Variants in TRDN observed in about 807,000 individuals in gnomAD.
TRDN encodes the protein triadin in skeletal muscle.
TRDN carries 161 observed loss-of-function variants against 149.7 expected under a neutral mutation model. The ratio of observed to expected loss-of-function variants is 1.08; its 90% confidence interval spans 0.95 to 1.23. TRDN has a LOEUF of 1.23. TRDN is among the 50% of genes most tolerant of loss of function. The pLI is 0.00. For synonymous variants in TRDN, 294 were observed against 250.5 expected, an observed-to-expected ratio of 1.17 and a Z score of -1.64; for missense variants, 896 against 823.5, an observed-to-expected ratio of 1.09 and a Z score of -1.08.
At chr6:123,290,348 G>C (rs1326152651) in intron 24 of TRDN, among the ~76,000 whole-genome samples, 1 of 152,024 alleles carries the variant, frequency 6.6e-6, no homozygotes, top group Admixed American at 6.6e-5. Flanking sequence ...ATTGTGATAT[G>C]TGTTGTGTCT....
intron 20 of TRDN, among the ~76,000 whole-genome samples, chr6:123,355,293 A>G (rs1780623403): frequency 6.6e-6 from 1 of 151,652 alleles, no homozygotes; most frequent in African/African-American, 2.4e-5. Context: ...CAATGTATCA[A>G]TCTTTCCTTT....
Position 123,503,872 on chromosome 6 carries a change from T to C in TRDN, c.640A>G (p.Ser214Gly). The C allele has an allele frequency of 6.3e-7, 1 of 1,577,764 alleles. No individual in the cohort carries two copies. The highest frequency in any genetic ancestry group is 8.6e-7 in the Non-Finnish European group (1 of 1,160,074). The change falls in exon 8 of 41, where the codon AGT becomes GGT. Residue 214 changes from serine to glycine, a missense_variant. Physicochemically the swap from Ser to Gly is moderately conservative, Grantham distance 56 (BLOSUM62 0). Coordinates refer to ENST00000334268, the MANE Select transcript of TRDN (RefSeq NM_006073.4). ...ACTTCCTTTTTAGTCTTTTCTTCAC[T>C]CTTTTCTGCAGTCTTAGCTTTCTTC... ...EQKKAKTAEK[S>G]EEKTKKEVKG...
Position 123,570,987 on chromosome 6 carries a change from C to T in TRDN, c.168G>A (p.Leu56=), listed in dbSNP as rs1290905998. The T allele has an allele frequency of 6.2e-7, 1 of 1,613,964 alleles. No homozygotes were observed. Among genetic ancestry groups the T allele is most frequent in the Non-Finnish European group, 8.5e-7 (1 of 1,179,856 alleles). Reference sequence around the variant, plus strand: ...TGGCAACAGCTGACCACGTGATTATCAGGGCAATGACCAGAAGCCAGGCTG... The same window carrying T: ...TGGCAACAGCTGACCACGTGATTATTAGGGCAATGACCAGAAGCCAGGCTG... The part of the protein sequence containing the change: ...SPAAWLLVIA[L]IITWSAVAIV... The change falls in exon 2 of 41, where the codon CTG becomes CTA. Residue 56 remains leucine (L), a synonymous_variant. Coordinates refer to ENST00000334268, the MANE Select transcript of TRDN (RefSeq NM_006073.4).
chr6:123,439,778 G>C (rs1774771946), intron 10 of TRDN: 1 of 152,168 alleles, frequency 6.6e-6, no homozygotes, highest in South Asian at 2.1e-4. Flanking sequence ...CACTTTTCTG[G>C]TAAGCATAAT....
intron 16 of TRDN, 128 bp downstream of exon 16, chr6:123,381,242 A>C (rs1391507914): frequency 2.3e-6 from 2 of 853,174 alleles, no homozygotes; most frequent in Non-Finnish European, 3.6e-6. Flanking sequence ...CTTGGACAAA[A>C]AACAACAGAG....
chr6:123,468,602 A>T (rs1285162800), intron 9 of TRDN, among the ~76,000 whole-genome samples: 2 of 152,160 alleles, frequency 1.3e-5, no homozygotes, highest in Non-Finnish European at 2.9e-5. Flanking sequence ...ATTACTAAAA[A>T]TCTTGTCAAG....
rs1432801919 is a variant in TRDN, at chr6:123,265,894, T to A, written c.1784-556A>T. Among the ~76,000 whole-genome samples, 3 of 147,286 alleles carry A rather than the reference T, an allele frequency of 2.0e-5. No homozygotes were observed. The East Asian group carries it at 5.9e-4, about 29-fold the overall frequency. The stretch of plus-strand genomic sequence containing the variant: ...TTCTATTTTTTTCCAATATAACATG[T>A]CTTCTAAAATATATTAACTAAAAAC... On this transcript the variant is annotated intron_variant, in intron 32 of 40. Transcript: ENST00000334268.
At chr6:123,261,721 AAAT>A (rs1274147204) in intron 33 of TRDN, among the ~76,000 whole-genome samples, 1 of 151,888 alleles carries the variant, frequency 6.6e-6, no homozygotes, top group African/African-American at 2.4e-5. Flanking sequence ...GGTATACAAT[AAAT>A]AATGTTTCAT....
At position 123,636,626 on chromosome 6, in the gene TRDN, T is replaced by C. The variant is rs547559000; in HGVS notation, c.22+128A>G. ...TCCTAAATCCACTTCTCAGATCCTG[T>C]ATAGAATCATTGACCAAGGCAATTA... On this transcript the variant is annotated intron_variant, in intron 1 of 40. Coordinates refer to ENST00000334268, the MANE Select transcript of TRDN (RefSeq NM_006073.4). 4.7e-6 allele frequency: 5 copies of C among 1,063,202 alleles called. No homozygotes were observed. The South Asian group carries it at 6.9e-5, about 15-fold the overall frequency. The allele number at this position is 1,063,202 out of a possible 1,614,324, so 65.9% of individuals were successfully genotyped here. A position where few individuals can be genotyped will look rare whatever the true frequency, so the allele number is the denominator to read the frequency against.
At chr6:123,324,316 A>T (rs1193101059) in intron 23 of TRDN, among the ~76,000 whole-genome samples, 3 of 152,184 alleles carry the variant, frequency 2.0e-5, no homozygotes, top group Admixed American at 6.5e-5. Context: ...TATATTTTTT[A>T]AAATGTTAAT....
At chr6:123,567,062 T>G (rs1484211788) in intron 2 of TRDN, among the ~76,000 whole-genome samples, 3 of 152,222 alleles carry the variant, frequency 2.0e-5, no homozygotes, top group Non-Finnish European at 4.4e-5. Context: ...CTATGGGCAA[T>G]GCCTATGTTA....
intron 1 of TRDN, among the ~76,000 whole-genome samples, chr6:123,633,154 G>T (rs543789565): frequency 6.6e-6 from 1 of 152,018 alleles, no homozygotes; most frequent in Non-Finnish European, 1.5e-5. Flanking sequence ...TGAACTAAGC[G>T]TTCTAGTAAA....
intron 23 of TRDN, among the ~76,000 whole-genome samples, chr6:123,328,782 T>C (rs1402483849): frequency 2.0e-5 from 3 of 152,182 alleles, no homozygotes; most frequent in African/African-American, 7.2e-5. Context: ...GGGTTCCACT[T>C]CAGTATCTGG....
intron 14 of TRDN, among the ~76,000 whole-genome samples, chr6:123,383,653 ATAAAT>A (rs950220084): frequency 6.6e-6 from 1 of 152,114 alleles, no homozygotes. Context: ...ACTAAATAAG[ATAAAT>A]TAAATAATGC....
intron 9 of TRDN, among the ~76,000 whole-genome samples, chr6:123,479,712 G>C (rs753115792): frequency 6.6e-6 from 1 of 152,092 alleles, no homozygotes; most frequent in Non-Finnish European, 1.5e-5. Flanking sequence ...AAAGAGCATA[G>C]GGGACAGGGA....
At chr6:123,221,791 T>A (rs1017872946) in intron 39 of TRDN, among the ~76,000 whole-genome samples, 2 of 151,722 alleles carry the variant, frequency 1.3e-5, no homozygotes, top group African/African-American at 4.8e-5. Flanking sequence ...CCCTGATGTG[T>A]CAGATATTCA....
At chr6:123,595,637 A>G (rs1321542066) in intron 1 of TRDN, among the ~76,000 whole-genome samples, 1 of 152,148 alleles carries the variant, frequency 6.6e-6, no homozygotes, top group African/African-American at 2.4e-5. Context: ...TGCTTGCTTC[A>G]TGCCTCTGTG....
intron 5 of TRDN, among the ~76,000 whole-genome samples, chr6:123,519,872 GC>G (rs1386533849): frequency 1.3e-5 from 2 of 151,856 alleles, no homozygotes; most frequent in East Asian, 1.9e-4. Context: ...CATTTCTTGT[GC>G]TTTTTTGTTA....
chr6:123,358,098 T>C (rs1780752581), intron 20 of TRDN, among the ~76,000 whole-genome samples: 1 of 152,206 alleles, frequency 6.6e-6, no homozygotes, highest in African/African-American at 2.4e-5. Flanking sequence ...GTCATCAGTT[T>C]CTCTTTCTAT....
Sources: gnomAD v4.1 joint callset for allele counts (sites outside exome capture counted in the v4.1 genomes callset) on GRCh38, gnomAD v4.1.1 for gene constraint, MANE v1.5 for transcripts, NCBI Gene and HGNC (gene_info 2026-07-23, HGNC 2026-07-21) for gene names.